Variants in GNAO1 observed in about 807,000 individuals in gnomAD.
GNAO1 encodes the protein G protein subunit alpha o1, also known as guanine nucleotide-binding protein G(o) subunit alpha.
For synonymous variants in GNAO1, 164 were observed against 180.7 expected (o/e 0.91, Z 0.74); for missense variants, 166 against 478.7 (o/e 0.35, Z 6.10).
intron 2 of GNAO1, among the ~76,000 whole-genome samples, chr16:56,202,581 A>T (rs1420901609): frequency 1.3e-5 from 2 of 152,210 alleles, no homozygotes; most frequent in Non-Finnish European, 2.9e-5. Context: ...CCCTTAGGGG[A>T]TGGGTAGCTT....
chr16:56,307,482 G>T (rs1005930479), intron 3 of GNAO1: 1 of 152,174 alleles, frequency 6.6e-6, no homozygotes, highest in African/African-American at 2.4e-5. Flanking sequence ...TACTGACATA[G>T]ATCTGGGCAC....
At chr16:56,239,917 G>T (rs1039267754) in intron 2 of GNAO1, among the ~76,000 whole-genome samples, 8 of 152,210 alleles carry the variant, frequency 5.3e-5, no homozygotes, top group African/African-American at 1.9e-4. Flanking sequence ...GGGGGTGCAG[G>T]TCTCAGCAAC....
At chr16:56,211,077 C>T (rs2036382205) in intron 2 of GNAO1, among the ~76,000 whole-genome samples, 1 of 152,118 alleles carries the variant, frequency 6.6e-6, no homozygotes, top group Non-Finnish European at 1.5e-5. Flanking sequence ...GCAGAGCAAG[C>T]ATGAATGTGG....
intron 3 of GNAO1, among the ~76,000 whole-genome samples, chr16:56,308,777 C>T (rs963137491): frequency 1.3e-5 from 2 of 151,866 alleles, no homozygotes; most frequent in Non-Finnish European, 2.9e-5. Context: ...GAGAAGTGGG[C>T]GTGATGGAGA....
chr16:56,354,999 C>T lies in GNAO1; in HGVS notation c.1011C>T (p.Asp337=), dbSNP rs375683292. The change falls in exon 8 of 9, where the codon GAC becomes GAT. Residue 337 remains aspartate (D), a synonymous_variant. Coordinates refer to ENST00000262493, the MANE Select transcript of GNAO1 (RefSeq NM_020988.3). This position sits in a 1 kb window ranked among gnomAD's most constrained non-coding sequence, Gnocchi z 4.3. ...CGAATAACATCCAGGTGGTGTTCGA[C>T]GCCGTCACCGACATCATCATTGCCA... ...TDTNNIQVVF[D]AVTDIIIANN... 20 of 1,613,402 alleles carry T rather than the reference C, an allele frequency of 1.2e-5. No individual in the cohort carries two copies. The Admixed American group carries it at 1.5e-4, about 12-fold the overall frequency.
chr16:56,259,225 A>G (rs1317694423), intron 2 of GNAO1, among the ~76,000 whole-genome samples: 3 of 152,228 alleles, frequency 2.0e-5, no homozygotes, highest in Admixed American at 2.0e-4. Flanking sequence ...ATGCATCTTC[A>G]GCCTCACATG....
Position 56,347,769 on chromosome 16 carries a change from C to T in GNAO1, c.724-3615C>T, listed in dbSNP as rs116075034. 2,898 of 878,906 alleles carry T rather than the reference C, an allele frequency of 3.3e-3. 79 individuals carry two copies. In the African/African-American group the frequency reaches 0.047, roughly 14 times the overall value. 54.4% of individuals were successfully genotyped at this position (878,906 alleles called of 1,614,324 possible). A position where few individuals can be genotyped will look rare whatever the true frequency, so the allele number is the denominator to read the frequency against. ...CTGTCCTCCCCTTCCCTCCCCACCC[C>T]TCCCCTCCCTTTCCCTCCTCTCCCC... is the stretch of plus-strand genomic sequence containing the variant. On this transcript the variant is annotated intron_variant, in intron 6 of 8. Coordinates refer to ENST00000262493, the MANE Select transcript of GNAO1 (RefSeq NM_020988.3).
rs1401088055 is a variant in GNAO1, at chr16:56,279,236, C to T, written c.303+3164C>T. The stretch of plus-strand genomic sequence containing the variant: ...ACAGGTAGGTGTCCCTGAGTTCCCC[C>T]GGCAGCTGACTCACCACCTGTCCTG... On this transcript the variant is annotated intron_variant, in intron 3 of 8. Coordinates refer to ENST00000262493, the MANE Select transcript of GNAO1 (RefSeq NM_020988.3). Among the ~76,000 whole-genome samples the T allele has an allele frequency of 3.9e-5, 6 of 152,168 alleles. No homozygotes were observed. The East Asian group carries it at 5.8e-4, about 15-fold the overall frequency.
rs770917900 is a variant in GNAO1, at chr16:56,276,102, C to G, written c.303+30C>G. 3.1e-6 allele frequency: 5 copies of G among 1,597,204 alleles called. No homozygotes were observed. The South Asian group carries it at 5.6e-5, about 18-fold the overall frequency. Reference sequence around the variant, plus strand: ...GCCCCTGAGCCCATAAGCACAGCAACAAGAGGTTCTGTCTGTGTTACCCCA... The same window carrying G: ...GCCCCTGAGCCCATAAGCACAGCAAGAAGAGGTTCTGTCTGTGTTACCCCA... On this transcript the variant is annotated intron_variant, in intron 3 of 8. Coordinates refer to ENST00000262493, the MANE Select transcript of GNAO1 (RefSeq NM_020988.3).
chr16:56,257,492 C>T (rs1036010090), intron 2 of GNAO1, among the ~76,000 whole-genome samples: 1 of 152,110 alleles, frequency 6.6e-6, no homozygotes, highest in Non-Finnish European at 1.5e-5. Context: ...AAACATGGAC[C>T]GTGGCCAACC....
chr16:56,256,708 C>CTGTGTG (rs1158339826), intron 2 of GNAO1, among the ~76,000 whole-genome samples: 4 of 119,400 alleles, frequency 3.4e-5, no homozygotes, highest in African/African-American at 1.3e-4. Context: ...CTCTCTCTCT[C>CTGTGTG]TCTCTCTCTC....
chr16:56,192,061 G>C lies in GNAO1; in HGVS notation c.-175G>C. 3 of 586,972 alleles carry C rather than the reference G, an allele frequency of 5.1e-6. No individual in the cohort carries two copies. The highest frequency in any genetic ancestry group is 9.1e-6 in the Non-Finnish European group (3 of 329,952). The allele number at this position is 586,972 out of a possible 1,614,324, so 36.4% of individuals were successfully genotyped here. ...TCTCCGCTGCTGGAATCTTGTTAGC[G>C]GCTGTCTTTTTGGAGGGTTCTGGTT... On this transcript the variant is annotated 5_prime_UTR_variant, in exon 1 of 9. Transcript: ENST00000262493.
chr16:56,219,533 T>G (rs1202014079), intron 2 of GNAO1, among the ~76,000 whole-genome samples: 3 of 152,212 alleles, frequency 2.0e-5, no homozygotes, highest in African/African-American at 7.2e-5. Flanking sequence ...AGAGTTTTTT[T>G]TCTTTGGTAT....
intron 6 of GNAO1, among the ~76,000 whole-genome samples, chr16:56,337,813 G>A (rs1347301323): frequency 2.6e-5 from 4 of 152,146 alleles, no homozygotes; most frequent in East Asian, 3.9e-4. Context: ...GCTGCAGCCC[G>A]CCAGGCACCG....
At chr16:56,343,750 G>C in intron 6 of GNAO1, 1 of 1,607,396 alleles carries the variant, frequency 6.2e-7, no homozygotes, top group South Asian at 1.1e-5. Flanking sequence ...CACCTTGCCT[G>C]TTTGCTCTGC....
intron 6 of GNAO1, among the ~76,000 whole-genome samples, chr16:56,338,182 C>T (rs2037761431): frequency 6.6e-6 from 1 of 152,164 alleles, no homozygotes; most frequent in African/African-American, 2.4e-5. Context: ...AGTGATGGGG[C>T]TTTGGGCTGG....
At chr16:56,316,699 G>A (rs2037513693) in intron 3 of GNAO1, among the ~76,000 whole-genome samples, 1 of 152,186 alleles carries the variant, frequency 6.6e-6, no homozygotes, top group African/African-American at 2.4e-5. Flanking sequence ...CCACTCCCCA[G>A]CTGGTGCTGA....
At chr16:56,347,786 C>T (rs2037886450) in intron 6 of GNAO1, 1 of 890,008 alleles carries the variant, frequency 1.1e-6, no homozygotes, top group South Asian at 5.3e-5. Flanking sequence ...CCCTTTCCCT[C>T]CTCTCCCCTC....
At chr16:56,344,243 A>G (rs1297723831) in intron 6 of GNAO1, 2 of 1,357,620 alleles carry the variant, frequency 1.5e-6, no homozygotes, top group Middle Eastern at 2.8e-4. Flanking sequence ...GGGACAGGGC[A>G]GGGCCCAGAT....
Sources: allele counts gnomAD v4.1 joint callset (sites outside exome capture counted in the v4.1 genomes callset), GRCh38; gene constraint gnomAD v4.1.1; non-coding constraint Gnocchi (gnomAD v3.1); transcripts MANE v1.5; gene names NCBI Gene and HGNC (gene_info 2026-07-23, HGNC 2026-07-21).